The following HECW2 variants were observed in gnomAD, a reference collection of about 807,000 sequenced individuals.
HECW2 encodes HECT, C2 and WW domain containing E3 ubiquitin protein ligase 2.
Under a neutral mutation model 175.2 loss-of-function variants are expected in HECW2, and 61 were observed. The observed-to-expected ratio is 0.35, with a 90% confidence interval of 0.28 to 0.43. The LOEUF (loss-of-function observed/expected upper bound fraction) is 0.43. HECW2 is among the 20% of genes least tolerant of loss of function. The pLI, the probability that HECW2 is intolerant of heterozygous loss-of-function variation, is 1.00. For missense variants in HECW2, 1,524 were observed against 2,000.5 expected (o/e 0.76, Z 4.54); for synonymous variants, 671 against 731.0 (o/e 0.92, Z 1.32).
At chr2:196,503,790 C>T (rs1559146961) in intron 1 of HECW2, among the ~76,000 whole-genome samples, 2 of 152,172 alleles carry the variant, frequency 1.3e-5, no homozygotes, top group East Asian at 1.9e-4. Context: ...AACACAAACA[C>T]AAAAGTTTCA....
Position 196,278,133 on chromosome 2 carries a change from A to AAAAAAATATATAT in HECW2, c.3135+394_3135+395insATATATATTTTTT, listed in dbSNP as rs531920307. ...CCTAGAACTTAAAGTATAATTAAAA[A>AAAAAAATATATAT]ATATATATATATATATATAAAGAAA... On this transcript the variant is annotated intron_variant, in intron 15 of 28. Transcript: ENST00000644978. Among the ~76,000 whole-genome samples, 197 of 66,572 alleles carry AAAAAAATATATAT rather than the reference A, an allele frequency of 3.0e-3. 17 individuals are homozygous for AAAAAAATATATAT. The highest frequency in any genetic ancestry group is 0.017 in the Middle Eastern group (2 of 118). The allele number at this position is 66,572 out of a possible 152,430, so 43.7% of individuals were successfully genotyped here.
At chr2:196,525,640 G>A (rs1688612636) in intron 1 of HECW2, among the ~76,000 whole-genome samples, 1 of 148,476 alleles carries the variant, frequency 6.7e-6, no homozygotes, top group African/African-American at 2.5e-5. Flanking sequence ...CATGTTTAGT[G>A]CTTCCTTCAG....
At chr2:196,556,975 G>A (rs1254657325) in intron 1 of HECW2, among the ~76,000 whole-genome samples, 1 of 152,000 alleles carries the variant, frequency 6.6e-6, no homozygotes, top group Non-Finnish European at 1.5e-5. Flanking sequence ...AATGTTCAAA[G>A]GACACAGATA....
At chr2:196,518,218 A>T (rs1004449398) in intron 1 of HECW2, among the ~76,000 whole-genome samples, 10 of 152,164 alleles carry the variant, frequency 6.6e-5, no homozygotes, top group African/African-American at 1.4e-4. Context: ...TTAAAAAATA[A>T]AATATAATAG....
At chr2:196,432,665 A>C (rs1232950207) in intron 2 of HECW2, among the ~76,000 whole-genome samples, 1 of 152,218 alleles carries the variant, frequency 6.6e-6, no homozygotes, top group East Asian at 1.9e-4. Context: ...TAAAAATAAA[A>C]AGACATCTTA....
intron 1 of HECW2, among the ~76,000 whole-genome samples, chr2:196,575,739 A>G (rs1690538529): frequency 6.6e-6 from 1 of 152,190 alleles, no homozygotes; most frequent in East Asian, 1.9e-4. Flanking sequence ...AATAGCACCA[A>G]TATATGCTTG....
chr2:196,279,909 A>T (rs1690124294), intron 14 of HECW2, among the ~76,000 whole-genome samples: 1 of 152,244 alleles, frequency 6.6e-6, no homozygotes, highest in Non-Finnish European at 1.5e-5. Context: ...TGATAACATG[A>T]AATCATGAAT....
At chr2:196,527,411 G>A (rs1409864623) in intron 1 of HECW2, among the ~76,000 whole-genome samples, 1 of 152,230 alleles carries the variant, frequency 6.6e-6, no homozygotes, top group Non-Finnish European at 1.5e-5. Flanking sequence ...CGGTACCTCA[G>A]ATGGAAATGC....
intron 17 of HECW2, among the ~76,000 whole-genome samples, chr2:196,260,727 C>T (rs1016064757): frequency 1.3e-5 from 2 of 152,180 alleles, no homozygotes; most frequent in Non-Finnish European, 2.9e-5. Flanking sequence ...AGTCAGCAGA[C>T]GTCCTGGAAA....
chr2:196,495,595 A>G (rs1687362197), intron 1 of HECW2, among the ~76,000 whole-genome samples: 1 of 152,176 alleles, frequency 6.6e-6, no homozygotes, highest in South Asian at 2.1e-4. Flanking sequence ...GACAGAGACA[A>G]AAGGGCATTC....
chr2:196,546,612 CA>C (rs1187683453), intron 1 of HECW2, among the ~76,000 whole-genome samples: 1 of 152,116 alleles, frequency 6.6e-6, no homozygotes, highest in African/African-American at 2.4e-5. Context: ...CTATCTGGAT[CA>C]GGGGTTGGTG....
intron 5 of HECW2, 54 bp from the exon 6 acceptor site, chr2:196,325,203 G>T: frequency 7.3e-7 from 1 of 1,377,480 alleles, no homozygotes; most frequent in Non-Finnish European, 9.9e-7. Context: ...AGGAGGGAGG[G>T]AGGAAAGAAA....
intron 1 of HECW2, among the ~76,000 whole-genome samples, chr2:196,470,798 T>C (rs1697165335): frequency 6.6e-6 from 1 of 152,094 alleles, no homozygotes; most frequent in Admixed American, 6.6e-5. Flanking sequence ...AAAGACAACA[T>C]TTTTTAAAAG....
chr2:196,306,538 C>T lies in HECW2; in HGVS notation c.2764G>A (p.Val922Met), dbSNP rs144884935. The T allele has an allele frequency of 2.4e-5, 38 of 1,611,848 alleles. No individual in the cohort carries two copies. Among genetic ancestry groups the T allele is most frequent in the Admixed American group, 3.3e-5 (2 of 59,748 alleles). Residue 922 changes from valine to methionine, a missense_variant, in exon 13 of 29, where the codon GTG becomes ATG. By Grantham distance (21) the Val-to-Met change is conservative. Around this residue, in one of 11 missense-constraint regions of HECW2, gnomAD observed 105 missense variants for 98.1 expected, o/e 1.07. Coordinates refer to ENST00000644978, the MANE Select transcript of HECW2 (RefSeq NM_001348768.2). ...RITLLLQSPPVKFLISPEFFT... is the reference protein window; with the variant it reads ...RITLLLQSPPMKFLISPEFFT... Reference sequence around the variant, plus strand: ...AACTCTGGGCTGATGAGGAACTTCACGGGGGGAGACTGTAACAGCAACGTG... The same window carrying T: ...AACTCTGGGCTGATGAGGAACTTCATGGGGGGAGACTGTAACAGCAACGTG...
At chr2:196,290,474 G>C (rs1690565280) in intron 14 of HECW2, 1 of 152,378 alleles carries the variant, frequency 6.6e-6, no homozygotes, top group South Asian at 2.1e-4. Context: ...GCCTTAACAA[G>C]TTAAATCTCA....
intron 1 of HECW2, among the ~76,000 whole-genome samples, chr2:196,493,831 G>A (rs1237458673): frequency 6.6e-6 from 1 of 152,146 alleles, no homozygotes; most frequent in East Asian, 1.9e-4. Flanking sequence ...TTATGCTATT[G>A]GAAACTGGCT....
intron 2 of HECW2, among the ~76,000 whole-genome samples, chr2:196,359,966 C>T (rs572140837): frequency 5.9e-5 from 9 of 152,144 alleles, no homozygotes; most frequent in South Asian, 2.1e-4. Context: ...TAGCTGGGCA[C>T]GGTGTCACAC....
chr2:196,359,475 C>T (rs1354380494), intron 2 of HECW2, among the ~76,000 whole-genome samples: 1 of 150,468 alleles, frequency 6.6e-6, no homozygotes, highest in Non-Finnish European at 1.5e-5. Context: ...AACAAACAAA[C>T]AAAACCATGC....
At chr2:196,410,217 T>A (rs4630790) in intron 2 of HECW2, among the ~76,000 whole-genome samples, 139,507 of 152,260 alleles carry the variant, frequency 0.92, 64,437 homozygotes, top group East Asian at 1. Flanking sequence ...AAATATGATC[T>A]TTGTTCCATG....
Sources: allele counts gnomAD v4.1 joint callset (sites outside exome capture counted in the v4.1 genomes callset), GRCh38; gene constraint gnomAD v4.1.1; regional missense constraint gnomAD v4.1.1; transcripts MANE v1.5; gene names NCBI Gene and HGNC (gene_info 2026-07-23, HGNC 2026-07-21).